The following JPH2 variants were observed in gnomAD, a reference collection of about 807,000 sequenced individuals.
JPH2 encodes the protein junctophilin 2.
A neutral mutation model predicts 55.9 loss-of-function variants in JPH2; 38 were observed. The observed-to-expected ratio is 0.68, with a 90% CI of 0.52 to 0.89. The LOEUF (loss-of-function observed/expected upper bound fraction) is 0.89. Ranked by LOEUF, JPH2 falls within the 40% of genes least tolerant of loss-of-function variation. The pLI, the probability that JPH2 is intolerant of heterozygous loss-of-function variation, is 0.00. For synonymous variants in JPH2, 480 were observed against 472.4 expected, an observed-to-expected ratio of 1.02 and a Z score of -0.21; for missense variants, 964 against 1,037.6, an observed-to-expected ratio of 0.93 and a Z score of 0.97.
intron 2 of JPH2, among the ~76,000 whole-genome samples, chr20:44,139,210 C>G (rs796483163): frequency 6.6e-6 from 1 of 152,140 alleles, no homozygotes; most frequent in South Asian, 2.1e-4. Flanking sequence ...CACAGAGGGG[C>G]AGGGACTTGC....
Position 44,115,956 on chromosome 20 carries a change from G to C in JPH2, c.1719C>G (p.Thr573=). 1 of 1,571,602 alleles carries C rather than the reference G, an allele frequency of 6.4e-7. No homozygotes were observed. Among genetic ancestry groups the C allele is most frequent in the Non-Finnish European group, 8.6e-7 (1 of 1,166,064 alleles). The change falls in exon 4 of 6, where the codon ACC becomes ACG. Residue 573 remains threonine (T), a synonymous_variant. Coordinates refer to ENST00000372980, the MANE Select transcript of JPH2 (RefSeq NM_020433.5). The part of the protein sequence containing the change: ...YQGYHSYAVR[T]TPPEPPPFED... ...CAAAGGGTGGGGGCTCGGGCGGCGT[G>C]GTGCGCACAGCATAGCTGTGGTAGC...
chr20:44,143,893 T>C (rs2072475850), intron 2 of JPH2, among the ~76,000 whole-genome samples: 1 of 151,968 alleles, frequency 6.6e-6, no homozygotes, highest in Admixed American at 6.6e-5. Context: ...TGGCCGGCAC[T>C]GGGCTGGTGG....
At chr20:44,147,389 C>T (rs2072500572) in intron 2 of JPH2, among the ~76,000 whole-genome samples, 1 of 152,218 alleles carries the variant, frequency 6.6e-6, no homozygotes, top group Non-Finnish European at 1.5e-5. Flanking sequence ...ATCATGGTAC[C>T]TCCACACTAC....
chr20:44,186,490 C>A lies in JPH2; in HGVS notation c.216G>T (p.Leu72=), dbSNP rs1204338991. 2.5e-6 allele frequency: 4 copies of A among 1,614,164 alleles called. No individual in the cohort carries two copies. The highest frequency in any genetic ancestry group is 1.7e-5 in the Admixed American group (1 of 60,022). ...GYWSQGKRHG[L]GIETKGRWLY... ...GCCAGCGCCCCTTGGTCTCTATGCCCAGCCCATGCCGTTTGCCCTGGCTCC... is the reference window on the plus strand; with the variant it reads ...GCCAGCGCCCCTTGGTCTCTATGCCAAGCCCATGCCGTTTGCCCTGGCTCC... The change falls in exon 1 of 6, where the codon CTG becomes CTT. Residue 72 remains leucine (L), a synonymous_variant. Coordinates refer to ENST00000372980, the MANE Select transcript of JPH2 (RefSeq NM_020433.5).
At chr20:44,115,181 T>A (rs942312542) in intron 4 of JPH2, among the ~76,000 whole-genome samples, 2 of 152,106 alleles carry the variant, frequency 1.3e-5, no homozygotes. Context: ...CATTCTTCAG[T>A]CCCCCAAAGC....
At position 44,116,011 on chromosome 20, in the gene JPH2, G is replaced by A. The variant is rs1328241731; in HGVS notation, c.1664C>T (p.Ser555Leu). 3.2e-6 allele frequency: 5 copies of A among 1,581,296 alleles called. No individual in the cohort carries two copies. In the South Asian group the frequency reaches 3.4e-5, roughly 11 times the overall value. The change falls in exon 4 of 6, where the codon TCG becomes TTG. Residue 555 changes from serine (S) to leucine (L), a missense_variant. Ser to Leu is a moderately radical substitution (Grantham distance 145, BLOSUM62 -2). Transcript: ENST00000372980. ...IEALQAPPAP[S>L]REPEVALYQG... ...GTAAAGCGCCACCTCCGGCTCCCGCGACGGCGCAGGCGGTGCCTGCAGAGC... is the reference window on the plus strand; with the variant it reads ...GTAAAGCGCCACCTCCGGCTCCCGCAACGGCGCAGGCGGTGCCTGCAGAGC...
rs2072124535 is a variant in JPH2 at position 44,108,987 on chromosome 20, C to T, written c.*4531G>A. On this transcript the variant is annotated 3_prime_UTR_variant, in exon 6 of 6. Transcript: ENST00000372980. ...TTCAGAGAAGAAGGAAACTTCCTTC[C>T]CTGAACTCCTTCAGGAATTCTGAAT... Among the ~76,000 whole-genome samples, 1 of 152,194 alleles carries T rather than the reference C, an allele frequency of 6.6e-6. No individual in the cohort carries two copies. The highest frequency in any genetic ancestry group is 6.5e-5 in the Admixed American group (1 of 15,286).
Position 44,160,251 on chromosome 20 carries a change from G to A in JPH2, c.536C>T (p.Ser179Phe). Residue 179 changes from serine to phenylalanine, a missense_variant, in exon 2 of 6, where the codon TCT becomes TTT. Coordinates refer to ENST00000372980, the MANE Select transcript of JPH2 (RefSeq NM_020433.5). This position sits in a 1 kb window ranked among gnomAD's most constrained non-coding sequence, Gnocchi z 4.9. ...GCCGTCGGAGGCCGGCGAGGCGGGA[G>A]AGTCCGGGGCCACCGTGCCGTTGCT... ...EHSNGTVAPDSPASPASDGPA... is the reference protein window; with the variant it reads ...EHSNGTVAPDFPASPASDGPA... The A allele has an allele frequency of 6.6e-7, 1 of 1,517,226 alleles. No individual in the cohort carries two copies. The highest frequency in any genetic ancestry group is 8.8e-7 in the Non-Finnish European group (1 of 1,136,884). 94.0% of individuals were successfully genotyped at this position (1,517,226 alleles called of 1,614,324 possible). A position where few individuals can be genotyped will look rare whatever the true frequency, so the allele number is the denominator to read the frequency against.
chr20:44,118,507 G>A lies in JPH2; in HGVS notation c.1286C>T (p.Pro429Leu). 6.2e-7 allele frequency: 1 copy of A among 1,611,762 alleles called. No homozygotes were observed. The highest frequency in any genetic ancestry group is 8.5e-7 in the Non-Finnish European group (1 of 1,179,146). ...CATCCTTCCCTGGCTGGCCCTACCT[G>A]GCTGGTAGAAGTCCGGAGCCAGCTC... Reference protein sequence around the residue: ...ARELAPDFYQPGPEYQKRRLL... With the variant: ...ARELAPDFYQLGPEYQKRRLL... Residue 429 changes from proline to leucine, a missense_variant and splice_region_variant, in exon 3 of 6, where the codon CCA becomes CTA. Coordinates refer to ENST00000372980, the MANE Select transcript of JPH2 (RefSeq NM_020433.5).
intron 2 of JPH2, among the ~76,000 whole-genome samples, chr20:44,142,512 T>G (rs775338270): frequency 6.6e-6 from 1 of 152,090 alleles, no homozygotes; most frequent in Non-Finnish European, 1.5e-5. Flanking sequence ...GAGCCTTCCC[T>G]GGCCCCTCCC....
chr20:44,115,549 C>T (rs2072181858), intron 4 of JPH2, 116 bp downstream of exon 4: 3 of 1,369,670 alleles, frequency 2.2e-6, no homozygotes, highest in Admixed American at 3.8e-5. Flanking sequence ...CTGCTCTATC[C>T]TGCTTCGGTC....
intron 2 of JPH2, among the ~76,000 whole-genome samples, chr20:44,134,817 ATATT>A (rs1408745579): frequency 1.9e-5 from 2 of 103,400 alleles, no homozygotes; most frequent in Non-Finnish European, 3.6e-5. Context: ...ATATATATAA[ATATT>A]TATAAATATA....
intron 2 of JPH2, among the ~76,000 whole-genome samples, chr20:44,127,760 T>C (rs1456930675): frequency 6.6e-6 from 1 of 152,178 alleles, no homozygotes; most frequent in African/African-American, 2.4e-5. Context: ...AGTGCTGGGA[T>C]TACAGGCGTG....
intron 2 of JPH2, among the ~76,000 whole-genome samples, chr20:44,123,272 C>T (rs1444831341): frequency 6.6e-6 from 1 of 152,184 alleles, no homozygotes; most frequent in African/African-American, 2.4e-5. Context: ...CCCTCCCTCC[C>T]CACCTCCTTC....
At chr20:44,158,757 G>A (rs2072582795) in intron 2 of JPH2, among the ~76,000 whole-genome samples, 1 of 152,190 alleles carries the variant, frequency 6.6e-6, no homozygotes, top group South Asian at 2.1e-4. Flanking sequence ...AGAGGTGGCT[G>A]GCTGGGTAGC....
Position 44,186,894 on chromosome 20 carries a change from T to C in JPH2, c.-189A>G. 1 of 621,934 alleles carries C rather than the reference T, an allele frequency of 1.6e-6. No individual in the cohort carries two copies. The highest frequency in any genetic ancestry group is 2.8e-6 in the Non-Finnish European group (1 of 356,110). The allele number at this position is 621,934 out of a possible 1,614,324, so 38.5% of individuals were successfully genotyped here. A position where few individuals can be genotyped will look rare whatever the true frequency, so the allele number is the denominator to read the frequency against. On this transcript the variant is annotated 5_prime_UTR_variant, in exon 1 of 6. Transcript: ENST00000372980. ...GGCGCCAAGTCAGCACCGGGTCGGC[T>C]AGTCAGTGCCATGCCCGGGAGCCCC...
chr20:44,174,921 G>A (rs527287352), intron 1 of JPH2, among the ~76,000 whole-genome samples: 5 of 152,084 alleles, frequency 3.3e-5, no homozygotes, highest in East Asian at 1.9e-4. Flanking sequence ...TGAGCCCCCC[G>A]TGCAGGGGTG....
At chr20:44,130,778 C>A (rs1039186924) in intron 2 of JPH2, among the ~76,000 whole-genome samples, 9 of 152,208 alleles carry the variant, frequency 5.9e-5, no homozygotes, top group Non-Finnish European at 8.8e-5. Flanking sequence ...GCTATTTTAG[C>A]TTTTGAGCCT....
chr20:44,134,936 T>C (rs1014913360), intron 2 of JPH2, among the ~76,000 whole-genome samples: 72 of 126,596 alleles, frequency 5.7e-4, no homozygotes, highest in Non-Finnish European at 1.0e-3. Context: ...TATATATATA[T>C]ATAAAACCAC....
Sources: gnomAD v4.1 joint callset for allele counts (sites outside exome capture counted in the v4.1 genomes callset) on GRCh38, gnomAD v4.1.1 for gene constraint, Gnocchi (gnomAD v3.1) non-coding constraint, MANE v1.5 for transcripts, NCBI Gene and HGNC (gene_info 2026-07-23, HGNC 2026-07-21) for gene names.